The following SPACA9 variants were observed in gnomAD, a reference collection of about 807,000 sequenced individuals.
SPACA9 encodes sperm acrosome associated 9, also known as sperm acrosome-associated protein 9.
A neutral mutation model predicts 12.5 loss-of-function variants in SPACA9; 14 were observed. The ratio of observed to expected loss-of-function variants is 1.12; its 90% confidence interval spans 0.74 to 1.75. The LOEUF is 1.75. Ranked by LOEUF, SPACA9 falls within the 40% of genes most tolerant of loss-of-function variation. The pLI, the probability that SPACA9 is intolerant of heterozygous loss-of-function variation, is 0.00. For missense variants in SPACA9, 292 were observed against 291.9 expected, an observed-to-expected ratio of 1.00 and a Z score of 0.00; for synonymous variants, 111 against 114.1, an observed-to-expected ratio of 0.97 and a Z score of 0.17.
chr9:132,887,350 G>T lies in SPACA9; in HGVS notation c.145-19G>T. The T allele has an allele frequency of 6.2e-7, 1 of 1,606,678 alleles. No homozygotes were observed. Among genetic ancestry groups the T allele is most frequent in the Non-Finnish European group, 8.5e-7 (1 of 1,179,456 alleles). On this transcript the variant is annotated intron_variant, in intron 2 of 3. Coordinates refer to ENST00000356311, the MANE Select transcript of SPACA9 (RefSeq NM_001316897.2). The surrounding 1 kb of genome is among the most constrained non-coding windows in gnomAD (Gnocchi z 5.4). ...CCGGGTTGGCATGTCCCCAGCTCAT[G>T]TGGCGGCGGCCCTTGCAGGTGCAGA...
chr9:132,886,166 T>TA (rs949585215), intron 2 of SPACA9, among the ~76,000 whole-genome samples: 39 of 152,364 alleles, frequency 2.6e-4, no homozygotes, highest in South Asian at 8.3e-4. Flanking sequence ...GAGGAGGTGA[T>TA]ACCTGCATCT....
upstream of SPACA9, chr9:132,878,557 G>A: frequency 1.7e-6 from 2 of 1,153,990 alleles, no homozygotes; most frequent in Non-Finnish European, 2.1e-6. This position sits in a 1 kb window ranked among gnomAD's most constrained non-coding sequence, Gnocchi z 4.7. Flanking sequence ...AACCCAGAAG[G>A]GGCAAGTCGG....
chr9:132,886,811 T>A (rs181157204), intron 2 of SPACA9, among the ~76,000 whole-genome samples: 2 of 152,030 alleles, frequency 1.3e-5, no homozygotes, highest in East Asian at 1.9e-4. Context: ...CCATTTAATT[T>A]AATTAATTTT....
chr9:132,889,431 G>C lies in SPACA9; in HGVS notation c.*820G>C. Reference sequence around the variant, plus strand: ...GTTTATTTTTTTATTTTTTGAGATGGAGTTTCACTCTGTCTCCCAGGCTGG... The same window carrying C: ...GTTTATTTTTTTATTTTTTGAGATGCAGTTTCACTCTGTCTCCCAGGCTGG... On this transcript the variant is annotated 3_prime_UTR_variant, in exon 4 of 4. Coordinates refer to ENST00000356311, the MANE Select transcript of SPACA9 (RefSeq NM_001316897.2). The C allele has an allele frequency of 8.1e-6, 8 of 983,930 alleles. No individual in the cohort carries two copies. Among genetic ancestry groups the C allele is most frequent in the Non-Finnish European group, 9.7e-6 (8 of 828,642 alleles). 60.9% of individuals were successfully genotyped at this position (983,930 alleles called of 1,614,324 possible).
chr9:132,888,680 T>G lies in SPACA9; in HGVS notation c.*69T>G. 6.8e-7 allele frequency: 1 copy of G among 1,466,922 alleles called. No individual in the cohort carries two copies. The highest frequency in any genetic ancestry group is 9.0e-7 in the Non-Finnish European group (1 of 1,107,994). The allele number at this position is 1,466,922 out of a possible 1,614,324, so 90.9% of individuals were successfully genotyped here. On this transcript the variant is annotated 3_prime_UTR_variant, in exon 4 of 4. Transcript: ENST00000356311. The surrounding 1 kb of genome is among the most constrained non-coding windows in gnomAD (Gnocchi z 5.0). ...TTTGGATTTTACTGGTTGGTCCTTT[T>G]TTCACTGGTACCCATGGACCCTGCC... is the stretch of plus-strand genomic sequence containing the variant.
chr9:132,883,974 C>A lies in SPACA9; in HGVS notation c.27C>A (p.Arg9=). 1 of 1,614,180 alleles carries A rather than the reference C, an allele frequency of 6.2e-7. No individual in the cohort carries two copies. Among genetic ancestry groups the A allele is most frequent in the Non-Finnish European group, 8.5e-7 (1 of 1,180,016 alleles). Residue 9 remains arginine (R), a synonymous_variant, in exon 2 of 4, where the codon CGC becomes CGA. Coordinates refer to ENST00000356311, the MANE Select transcript of SPACA9 (RefSeq NM_001316897.2). Reference sequence around the variant, plus strand: ...TGAATGAGGTGAAAGAATCCCTTCGCAGCATCGAGCAGAAGTACAAGCTCT... The same window carrying A: ...TGAATGAGGTGAAAGAATCCCTTCGAAGCATCGAGCAGAAGTACAAGCTCT... MNEVKESL[R]SIEQKYKLFQ... is the part of the protein sequence containing the mutation.
chr9:132,884,185 C>A, intron 2 of SPACA9, 94 bp downstream of exon 2: 1 of 1,390,460 alleles, frequency 7.2e-7, no homozygotes, highest in South Asian at 1.3e-5. Flanking sequence ...AGGGGAAGGA[C>A]GTTTGCGCCA....
chr9:132,885,139 C>G (rs1209470104), intron 2 of SPACA9, among the ~76,000 whole-genome samples: 1 of 150,746 alleles, frequency 6.6e-6, no homozygotes, highest in African/African-American at 2.4e-5. Context: ...AAAACAAAAA[C>G]AAAAACAAAA....
At chr9:132,880,425 G>A (rs1844375145) in intron 1 of SPACA9, among the ~76,000 whole-genome samples, 1 of 152,112 alleles carries the variant, frequency 6.6e-6, no homozygotes. Context: ...CTAGGATCAA[G>A]AACAGAGTCA....
chr9:132,890,119 T>TCAGCAGA (rs1844713051), downstream of SPACA9: 1 of 888,506 alleles, frequency 1.1e-6, no homozygotes, highest in East Asian at 3.1e-5. Context: ...GCAGTAAGCC[T>TCAGCAGA]CAGCAGACAG....
Position 132,887,279 on chromosome 9 carries a change from G to A in SPACA9, c.145-90G>A, listed in dbSNP as rs898034756. On this transcript the variant is annotated intron_variant, in intron 2 of 3. Transcript: ENST00000356311. This position sits in a 1 kb window ranked among gnomAD's most constrained non-coding sequence, Gnocchi z 5.4. ...CATGAGTCATGTAGGGTGGGAGGGA[G>A]TAGGGTGGGTGCTTCTGGACATTTG... is the stretch of plus-strand genomic sequence containing the variant. 8.8e-7 allele frequency: 1 copy of A among 1,133,430 alleles called. No homozygotes were observed. Among genetic ancestry groups the A allele is most frequent in the Non-Finnish European group, 1.3e-6 (1 of 768,404 alleles). 70.2% of individuals were successfully genotyped at this position (1,133,430 alleles called of 1,614,324 possible).
intron 1 of SPACA9, among the ~76,000 whole-genome samples, 199 bp downstream of exon 1, chr9:132,879,213 A>ACGG: frequency 6.6e-6 from 1 of 152,342 alleles, no homozygotes; most frequent in East Asian, 1.9e-4. Context: ...TCCCAGTGGT[A>ACGG]CGGGGCAGCT....
chr9:132,884,090 A>C lies in SPACA9; in HGVS notation c.143A>C (p.Gln48Pro). Residue 48 changes from glutamine (Q) to proline (P), a missense_variant and splice_region_variant, in exon 2 of 4, where the codon CAG (glutamine) becomes CCG (proline). Transcript: ENST00000356311. ...DKIRPISSIG[Q>P]VQSYMEHYCN... ...ATCCGGCCCATCTCCAGCATTGGAC[A>C]GGTGGGGCTCCCGACCCCCACCCCG... 2.5e-6 allele frequency: 4 copies of C among 1,611,666 alleles called. No individual in the cohort carries two copies. Among genetic ancestry groups the C allele is most frequent in the Non-Finnish European group, 3.4e-6 (4 of 1,177,976 alleles).
Position 132,884,646 on chromosome 9 carries a change from G to A in SPACA9, c.144+555G>A, listed in dbSNP as rs148364510. On this transcript the variant is annotated intron_variant, in intron 2 of 3. Coordinates refer to ENST00000356311, the MANE Select transcript of SPACA9 (RefSeq NM_001316897.2). ...TGATCCTTCCAGGATGTTAGGGGCT[G>A]GAGCTGCAGTGCAGTTAGGAACACA... is the stretch of plus-strand genomic sequence containing the variant. 3.7e-4 allele frequency among the ~76,000 whole-genome samples: 51 copies of A among 138,544 alleles called. No homozygotes were observed. The East Asian group carries it at 0.012, about 32-fold the overall frequency. 90.9% of individuals were successfully genotyped at this position (138,544 alleles called of 152,430 possible).
intron 2 of SPACA9, among the ~76,000 whole-genome samples, chr9:132,884,679 C>T (rs1229666005): frequency 1.8e-5 from 2 of 110,558 alleles, no homozygotes; most frequent in Non-Finnish European, 4.1e-5. Flanking sequence ...ACACACAGGC[C>T]GGCCCTTCAC....
intron 1 of SPACA9, among the ~76,000 whole-genome samples, chr9:132,881,056 C>A (rs1448752760): frequency 6.6e-6 from 1 of 151,796 alleles, no homozygotes; most frequent in African/African-American, 2.4e-5. Context: ...AATCTCCTGA[C>A]TTCGTGATCC....
chr9:132,883,080 C>T (rs1003124225), intron 1 of SPACA9, among the ~76,000 whole-genome samples: 28 of 152,174 alleles, frequency 1.8e-4, no homozygotes, highest in Admixed American at 1.7e-3. Context: ...ACAGACTTTT[C>T]TGCTCACAGG....
chr9:132,889,015 C>G lies in SPACA9; in HGVS notation c.*404C>G. 1.1e-6 allele frequency: 1 copy of G among 869,574 alleles called. No individual in the cohort carries two copies. Among genetic ancestry groups the G allele is most frequent in the African/African-American group, 1.8e-5 (1 of 55,030 alleles). 53.9% of individuals were successfully genotyped at this position (869,574 alleles called of 1,614,324 possible). On this transcript the variant is annotated 3_prime_UTR_variant, in exon 4 of 4. Transcript: ENST00000356311. ...ATCTCCTGACCTCATGATCTACCCT[C>G]GTGATCGGCCTCCCAAAGTGCTGGG...
intron 1 of SPACA9, among the ~76,000 whole-genome samples, chr9:132,880,822 CT>C (rs900840677): frequency 0.017 from 2,303 of 137,700 alleles, 30 homozygotes; most frequent in Middle Eastern, 0.045. Context: ...GTGCAGCTAT[CT>C]TTTTTTTTTT....
Sources: gnomAD v4.1 joint callset for allele counts (sites outside exome capture counted in the v4.1 genomes callset) on GRCh38, gnomAD v4.1.1 for gene constraint, Gnocchi (gnomAD v3.1) non-coding constraint, MANE v1.5 for transcripts, NCBI Gene and HGNC (gene_info 2026-07-23, HGNC 2026-07-21) for gene names.